The following SLC8A1 variants were observed in gnomAD, a reference collection of about 807,000 sequenced individuals.
SLC8A1 encodes solute carrier family 8 member A1, also known as sodium/calcium exchanger 1.
A neutral mutation model predicts 68.3 loss-of-function variants in SLC8A1; 18 were observed. That is an observed-to-expected ratio of 0.26 (90% confidence interval 0.18 to 0.39). SLC8A1 has a LOEUF of 0.39. Ranked by LOEUF, SLC8A1 falls within the 10% of genes least tolerant of loss-of-function variation. The probability of loss-of-function intolerance (pLI) is 1.00; values close to 1 mark genes in which losing one functional copy is unlikely to be tolerated. For synonymous variants in SLC8A1, 475 were observed against 415.5 expected (o/e 1.14, Z -1.74); for missense variants, 985 against 1,156.7 (o/e 0.85, Z 2.15).
At chr2:40,425,231 CATCACTT>C (rs1484826478) in intron 2 of SLC8A1, among the ~76,000 whole-genome samples, 4 of 151,760 alleles carry the variant, frequency 2.6e-5, no homozygotes, top group Non-Finnish European at 5.9e-5. Flanking sequence ...AAATTACAAG[CATCACTT>C]ATCACTTATC....
chr2:40,310,615 G>A (rs1338003572), intron 2 of SLC8A1, among the ~76,000 whole-genome samples: 1 of 152,104 alleles, frequency 6.6e-6, no homozygotes, highest in Admixed American at 6.5e-5. Context: ...TTGCACTGGA[G>A]AAAAATTTAG....
At chr2:40,362,996 G>A (rs1018621934) in intron 2 of SLC8A1, among the ~76,000 whole-genome samples, 5 of 151,944 alleles carry the variant, frequency 3.3e-5, no homozygotes, top group African/African-American at 1.2e-4. Flanking sequence ...TCAGTCCCTA[G>A]TATGACCATA....
chr2:40,334,618 A>G (rs1468112974), intron 2 of SLC8A1, among the ~76,000 whole-genome samples: 1 of 152,198 alleles, frequency 6.6e-6, no homozygotes, highest in Non-Finnish European at 1.5e-5. Context: ...AAAGGGCAGG[A>G]ATCATGCCCT....
chr2:40,261,737 G>A (rs487119), intron 2 of SLC8A1, among the ~76,000 whole-genome samples: 20,637 of 38,182 alleles, frequency 0.54, 1,722 homozygotes, highest in Admixed American at 0.59. Flanking sequence ...TGGGTACTGC[G>A]TAAGTGCCAC....
At chr2:40,502,527 C>A (rs969720028) in intron 1 of SLC8A1, among the ~76,000 whole-genome samples, 2 of 151,874 alleles carry the variant, frequency 1.3e-5, no homozygotes, top group East Asian at 3.9e-4. Context: ...TACTAGGTGA[C>A]AAAAACTAAA....
exon 8 of SLC8A1, chr2:40,107,501 TTC>T (rs1351793745): frequency 8.5e-5 from 13 of 152,174 alleles, no homozygotes; most frequent in African/African-American, 2.4e-4. Flanking sequence ...CCTAAAGATT[TTC>T]TGTCAGAAAT....
chr2:40,145,784 C>T (rs6755509), intron 6 of SLC8A1, among the ~76,000 whole-genome samples: 49,925 of 152,054 alleles, frequency 0.33, 8,811 homozygotes, highest in African/African-American at 0.45. Flanking sequence ...GTGTATGTGA[C>T]GCCATAAGGG....
intron 2 of SLC8A1, among the ~76,000 whole-genome samples, chr2:40,417,370 G>C (rs1694191383): frequency 6.6e-6 from 1 of 152,080 alleles, no homozygotes; most frequent in Admixed American, 6.6e-5. Flanking sequence ...ACATCATTGG[G>C]AATTGTAAAC....
At chr2:40,159,049 A>C (rs190627717) in intron 6 of SLC8A1, among the ~76,000 whole-genome samples, 240 of 152,294 alleles carry the variant, frequency 1.6e-3, no homozygotes, top group African/African-American at 5.4e-3. Flanking sequence ...AACTATGTGA[A>C]TGAACCAACG....
At chr2:40,203,599 C>T (rs2054822906) in intron 2 of SLC8A1, among the ~76,000 whole-genome samples, 1 of 151,958 alleles carries the variant, frequency 6.6e-6, no homozygotes, top group African/African-American at 2.4e-5. Context: ...ATATATAATT[C>T]TGACATATGG....
intron 7 of SLC8A1, among the ~76,000 whole-genome samples, chr2:40,130,706 A>C (rs998585052): frequency 3.3e-5 from 5 of 152,244 alleles, no homozygotes; most frequent in African/African-American, 1.2e-4. Flanking sequence ...GCTTAGGGTA[A>C]AGTCACTCTG....
chr2:40,172,162 A>C (rs1392383303), intron 4 of SLC8A1, among the ~76,000 whole-genome samples: 3 of 152,188 alleles, frequency 2.0e-5, no homozygotes, highest in Non-Finnish European at 4.4e-5. Context: ...TTAGGGCTTG[A>C]AGCTGCTTTT....
At chr2:40,508,634 T>C (rs1379713988) in intron 1 of SLC8A1, among the ~76,000 whole-genome samples, 1 of 152,174 alleles carries the variant, frequency 6.6e-6, no homozygotes, top group Non-Finnish European at 1.5e-5. Flanking sequence ...TCCTTTATTA[T>C]AGAGAAAACT....
intron 1 of SLC8A1, among the ~76,000 whole-genome samples, chr2:40,491,632 A>C (rs567237225): frequency 1.3e-5 from 2 of 152,192 alleles, no homozygotes; most frequent in Admixed American, 1.3e-4. Flanking sequence ...TGCAATAGAT[A>C]GCTCTTACTG....
intron 2 of SLC8A1, among the ~76,000 whole-genome samples, chr2:40,268,098 G>C (rs1268415543): frequency 1.3e-5 from 2 of 152,152 alleles, no homozygotes; most frequent in African/African-American, 4.8e-5. Context: ...TTAATAAAAT[G>C]AGTAATCAAA....
chr2:40,325,777 C>CAAA (rs3059526), intron 2 of SLC8A1, among the ~76,000 whole-genome samples: 1 of 45,004 alleles, frequency 2.2e-5, no homozygotes, highest in Non-Finnish European at 4.3e-5. Flanking sequence ...ACTAAAAATA[C>CAAA]AAAAAAAAAA....
chr2:40,502,480 T>C (rs1236979938), intron 1 of SLC8A1, among the ~76,000 whole-genome samples: 2 of 152,088 alleles, frequency 1.3e-5, no homozygotes, highest in African/African-American at 4.8e-5. Flanking sequence ...TAAATGCTTG[T>C]TGAGTGACTA....
intron 1 of SLC8A1, among the ~76,000 whole-genome samples, chr2:40,463,835 CACAT>C (rs1290074856): frequency 1.1e-3 from 119 of 111,424 alleles, no homozygotes; most frequent in Admixed American, 2.5e-3. Flanking sequence ...TACACACACA[CACAT>C]ACACACACAC....
chr2:40,188,009 C>T (rs1420359149), intron 2 of SLC8A1, among the ~76,000 whole-genome samples: 1 of 152,210 alleles, frequency 6.6e-6, no homozygotes, highest in South Asian at 2.1e-4. Context: ...GTTACCTACA[C>T]ATGCCTGCTG....
Sources: allele counts gnomAD v4.1 joint callset (sites outside exome capture counted in the v4.1 genomes callset), GRCh38; gene constraint gnomAD v4.1.1; transcripts MANE v1.5; gene names NCBI Gene and HGNC (gene_info 2026-07-23, HGNC 2026-07-21).